Variants in SLC35F1 observed in about 807,000 individuals in gnomAD.
SLC35F1 encodes the protein solute carrier family 35 member F1.
Under a neutral mutation model 48.7 loss-of-function variants are expected in SLC35F1, and 14 were observed. The observed-to-expected ratio is 0.29, with a 90% CI of 0.19 to 0.45. The LOEUF is 0.45. SLC35F1 is among the 20% of genes least tolerant of loss of function. The pLI, the probability that SLC35F1 is intolerant of heterozygous loss-of-function variation, is 1.00. For missense variants in SLC35F1, 404 were observed against 500.0 expected (o/e 0.81, Z 1.83); for synonymous variants, 190 against 202.2 (o/e 0.94, Z 0.51).
chr6:118,068,610 T>C (rs9320637), intron 1 of SLC35F1, among the ~76,000 whole-genome samples: 35,412 of 152,150 alleles, frequency 0.23, 4,345 homozygotes, highest in East Asian at 0.34. Context: ...GGAAGAAAAG[T>C]TGAGGGAGAT....
At chr6:118,065,998 A>G (rs1772608548) in intron 1 of SLC35F1, among the ~76,000 whole-genome samples, 1 of 152,200 alleles carries the variant, frequency 6.6e-6, no homozygotes, top group Non-Finnish European at 1.5e-5. Context: ...CTTAGGACAT[A>G]TGAATTAGAT....
intron 1 of SLC35F1, among the ~76,000 whole-genome samples, chr6:118,112,603 C>T (rs1484566607): frequency 6.6e-6 from 1 of 152,148 alleles, no homozygotes; most frequent in Non-Finnish European, 1.5e-5. Flanking sequence ...GACCCCTCTC[C>T]TGTAACACTT....
In SLC35F1 at chr6:118,160,898, A is replaced by ATTT. The variant is rs5879450; in HGVS notation, c.349+6291_349+6293dup. 2.2e-4 allele frequency among the ~76,000 whole-genome samples: 32 copies of ATTT among 143,874 alleles called. 1 individual carries two copies. Among genetic ancestry groups the ATTT allele is most frequent in the South Asian group, 4.4e-4 (2 of 4,522 alleles). The allele number at this position is 143,874 out of a possible 152,430, so 94.4% of individuals were successfully genotyped here. A position where few individuals can be genotyped will look rare whatever the true frequency, so the allele number is the denominator to read the frequency against. On this transcript the variant is annotated intron_variant, in intron 2 of 7. Coordinates refer to ENST00000360388, the MANE Select transcript of SLC35F1 (RefSeq NM_001029858.4). ...GTTTGTGCCAAGAAAGTATCCTGCT[A>ATTT]TTTTTTTTTTTTTTTGAGGAGGTTG...
At chr6:118,148,088 G>T (rs1226442612) in intron 1 of SLC35F1, among the ~76,000 whole-genome samples, 9 of 152,124 alleles carry the variant, frequency 5.9e-5, no homozygotes, top group Admixed American at 5.2e-4. Flanking sequence ...CACTTTCAAG[G>T]GGTATTGATT....
At chr6:117,999,260 C>T (rs1465157204) in intron 1 of SLC35F1, 10 of 1,595,762 alleles carry the variant, frequency 6.3e-6, no homozygotes, top group Admixed American at 1.7e-5. Flanking sequence ...GCTCGATCGA[C>T]ATGCCTACGT....
intron 3 of SLC35F1, among the ~76,000 whole-genome samples, chr6:118,264,066 CTTAGGAAGCCTCAACTA>C (rs1034751859): frequency 5.9e-5 from 9 of 152,176 alleles, no homozygotes; most frequent in Non-Finnish European, 1.3e-4. Context: ...CCTCTTAGGA[CTTAGGAAGCCTCAACTA>C]TTAAATACAA....
chr6:118,124,282 A>G (rs1330088197), intron 1 of SLC35F1, among the ~76,000 whole-genome samples: 1 of 152,026 alleles, frequency 6.6e-6, no homozygotes, highest in African/African-American at 2.4e-5. Context: ...GGTCATGCAA[A>G]CTCTCAGAAT....
At chr6:118,224,286 T>C (rs898178689) in intron 2 of SLC35F1, among the ~76,000 whole-genome samples, 1 of 152,210 alleles carries the variant, frequency 6.6e-6, no homozygotes, top group Non-Finnish European at 1.5e-5. Flanking sequence ...TTCATGATGA[T>C]GAAAATTTAG....
At chr6:118,019,464 A>C (rs1453028221) in intron 1 of SLC35F1, among the ~76,000 whole-genome samples, 15 of 152,206 alleles carry the variant, frequency 9.9e-5, no homozygotes, top group Admixed American at 9.8e-4. Context: ...TATACTAAAA[A>C]TACAAAAATT....
chr6:117,992,239 T>A (rs760903500), intron 1 of SLC35F1, among the ~76,000 whole-genome samples: 1 of 152,190 alleles, frequency 6.6e-6, no homozygotes, highest in Non-Finnish European at 1.5e-5. Context: ...CAAAGTATTA[T>A]TTACTTTCAT....
intron 1 of SLC35F1, among the ~76,000 whole-genome samples, chr6:117,990,791 G>A (rs1776907145): frequency 6.6e-6 from 1 of 152,164 alleles, no homozygotes; most frequent in South Asian, 2.1e-4. Flanking sequence ...AGGTTGTACA[G>A]AGAGATGAGA....
At chr6:117,984,493 CA>C (rs1215573454) in intron 1 of SLC35F1, among the ~76,000 whole-genome samples, 3,011 of 60,956 alleles carry the variant, frequency 0.049, 63 homozygotes, top group African/African-American at 0.13. Context: ...GACTCGGTCT[CA>C]AAAAAAAAAA....
intron 1 of SLC35F1, among the ~76,000 whole-genome samples, chr6:118,027,375 C>T (rs1025518572): frequency 1.3e-5 from 2 of 152,102 alleles, no homozygotes; most frequent in African/African-American, 4.8e-5. Flanking sequence ...AAACTGTTTC[C>T]ACAGTGGCTG....
chr6:118,198,349 G>A (rs1774829167), intron 2 of SLC35F1, among the ~76,000 whole-genome samples: 1 of 152,118 alleles, frequency 6.6e-6, no homozygotes, highest in Non-Finnish European at 1.5e-5. Flanking sequence ...TATCACAGAA[G>A]TAACATGACC....
chr6:118,247,299 G>C (rs1246172487), intron 3 of SLC35F1, among the ~76,000 whole-genome samples: 1 of 152,106 alleles, frequency 6.6e-6, no homozygotes, highest in Admixed American at 6.6e-5. Flanking sequence ...TGTTATCCCA[G>C]GTAAGACCAG....
chr6:117,955,204 C>T (rs1179559420), intron 1 of SLC35F1, among the ~76,000 whole-genome samples: 1 of 152,180 alleles, frequency 6.6e-6, no homozygotes, highest in Admixed American at 6.5e-5. Context: ...GGACTCATAA[C>T]TCTTGATTTT....
At chr6:118,155,694 A>G (rs1052961735) in intron 2 of SLC35F1, among the ~76,000 whole-genome samples, 1 of 152,220 alleles carries the variant, frequency 6.6e-6, no homozygotes, top group African/African-American at 2.4e-5. Flanking sequence ...ACTTTTATCT[A>G]TGGCTCAGAA....
chr6:118,102,601 A>T (rs1773274232), intron 1 of SLC35F1, among the ~76,000 whole-genome samples: 1 of 152,216 alleles, frequency 6.6e-6, no homozygotes, highest in Non-Finnish European at 1.5e-5. Context: ...TGACAGTTTC[A>T]CGTTGTGGCA....
chr6:118,249,721 T>C (rs552544098), intron 3 of SLC35F1, among the ~76,000 whole-genome samples: 134 of 152,294 alleles, frequency 8.8e-4, no homozygotes, highest in African/African-American at 3.2e-3. Context: ...ATCTGAGAAA[T>C]AGCAGGAGTT....
Sources: allele counts gnomAD v4.1 joint callset (sites outside exome capture counted in the v4.1 genomes callset), GRCh38; gene constraint gnomAD v4.1.1; transcripts MANE v1.5; gene names NCBI Gene and HGNC (gene_info 2026-07-23, HGNC 2026-07-21).